TIAM2: variants seen among roughly 807,000 people sequenced by gnomAD.
TIAM2 encodes the protein rho guanine nucleotide exchange factor TIAM2.
TIAM2 carries 80 observed loss-of-function variants against 152.9 expected under a neutral mutation model. The observed-to-expected ratio is 0.52, with a 90% CI of 0.44 to 0.63. The LOEUF is 0.63. Ranked by LOEUF, TIAM2 falls within the 30% of genes least tolerant of loss-of-function variation. The probability of loss-of-function intolerance (pLI) is 0.00; values close to 1 mark genes in which losing one functional copy is unlikely to be tolerated. For missense variants in TIAM2, 1,965 were observed against 2,120.1 expected (o/e 0.93, Z 1.44); for synonymous variants, 804 against 838.0 (o/e 0.96, Z 0.70).
chr6:155,195,041 G>A (rs889918235), intron 14 of TIAM2, among the ~76,000 whole-genome samples: 5 of 152,234 alleles, frequency 3.3e-5, no homozygotes, highest in Non-Finnish European at 7.3e-5. Context: ...CTGCGGAACT[G>A]TGAGTCAATG....
Position 155,158,591 on chromosome 6 carries a change from T to C in TIAM2, c.2029-5824T>C, listed in dbSNP as rs190432879. Among the ~76,000 whole-genome samples, 3 of 152,082 alleles carry C rather than the reference T, an allele frequency of 2.0e-5. No individual in the cohort carries two copies. The East Asian group carries it at 5.8e-4, about 29-fold the overall frequency. On this transcript the variant is annotated intron_variant, in intron 7 of 26. Coordinates refer to ENST00000682666, the MANE Select transcript of TIAM2 (RefSeq NM_012454.4). Reference sequence around the variant, plus strand: ...TTTTTTTGACAGGGTCTCACTCTGTTGCCCAGGCTGGAGTGTGCAGTGGCC... The same window carrying C: ...TTTTTTTGACAGGGTCTCACTCTGTCGCCCAGGCTGGAGTGTGCAGTGGCC...
intron 1 of TIAM2, among the ~76,000 whole-genome samples, chr6:155,008,905 G>T (rs538816473): frequency 1.3e-5 from 2 of 152,092 alleles, no homozygotes; most frequent in African/African-American, 4.8e-5. Flanking sequence ...GTGTTTTGGG[G>T]CAGTTGCTTA....
chr6:155,149,464 G>C (rs1482987204), intron 7 of TIAM2, among the ~76,000 whole-genome samples: 1 of 151,990 alleles, frequency 6.6e-6, no homozygotes, highest in Admixed American at 6.5e-5. Context: ...AGTTTCTTTA[G>C]GAAAAAAAAT....
At chr6:155,023,554 T>A (rs978474643) in intron 1 of TIAM2, among the ~76,000 whole-genome samples, 4 of 152,106 alleles carry the variant, frequency 2.6e-5, no homozygotes, top group Non-Finnish European at 5.9e-5. Context: ...ACAGGTTGGG[T>A]AGCAGCCTGG....
intron 1 of TIAM2, among the ~76,000 whole-genome samples, chr6:155,083,530 C>A (rs1272833652): frequency 1.3e-5 from 2 of 152,090 alleles, no homozygotes; most frequent in African/African-American, 4.8e-5. Flanking sequence ...ACAGGACTAG[C>A]CTGCTGCCAT....
chr6:155,119,415 C>A (rs918248438), intron 2 of TIAM2, among the ~76,000 whole-genome samples: 1 of 152,080 alleles, frequency 6.6e-6, no homozygotes, highest in Admixed American at 6.5e-5. Context: ...TCTCCACTCA[C>A]TGTAACCTCT....
rs1562295191 is a variant in TIAM2 at position 155,029,480 on chromosome 6, A to ATAT, written c.-209+33989_-209+33991dup. On this transcript the variant is annotated intron_variant, in intron 1 of 26. Transcript: ENST00000682666. ...TTATATATAATATATACTATAGTAT[A>ATAT]TATACTATAGTATATATTATATATA... 6.2e-4 allele frequency among the ~76,000 whole-genome samples: 7 copies of ATAT among 11,336 alleles called. 2 individuals are homozygous for ATAT. The highest frequency in any genetic ancestry group is 1.2e-3 in the Non-Finnish European group (7 of 5,890). 7.4% of individuals were successfully genotyped at this position (11,336 alleles called of 152,430 possible). A position where few individuals can be genotyped will look rare whatever the true frequency, so the allele number is the denominator to read the frequency against.
At position 155,028,030 on chromosome 6, in the gene TIAM2, TATATA is replaced by T. The variant is rs1214027268; in HGVS notation, c.-209+32544_-209+32548del. ...AATATATGTACTGTGTTATATACTA[TATATA>T]ATATATGTACTGTGTTACATATATA... On this transcript the variant is annotated intron_variant, in intron 1 of 26. Coordinates refer to ENST00000682666, the MANE Select transcript of TIAM2 (RefSeq NM_012454.4). Among the ~76,000 whole-genome samples the T allele has an allele frequency of 5.2e-4, 53 of 102,158 alleles. 2 individuals carry two copies. Among genetic ancestry groups the T allele is most frequent in the South Asian group, 4.5e-3 (15 of 3,334 alleles). 67.0% of individuals were successfully genotyped at this position (102,158 alleles called of 152,430 possible). A position where few individuals can be genotyped will look rare whatever the true frequency, so the allele number is the denominator to read the frequency against.
At position 155,218,720 on chromosome 6, in the gene TIAM2, T is replaced by C. The variant is rs533249652; in HGVS notation, c.3168+7413T>C. Among the ~76,000 whole-genome samples, 2 of 152,350 alleles carry C rather than the reference T, an allele frequency of 1.3e-5. No homozygotes were observed. The highest frequency in any genetic ancestry group is 1.9e-4 in the East Asian group (1 of 5,186). ...AATGGCCTCTTGAGCTGAGATTCGA[T>C]GTCAGGTAGGAAACTGAACAAATAG... On this transcript the variant is annotated intron_variant, in intron 15 of 26. Transcript: ENST00000682666. This position sits in a 1 kb window ranked among gnomAD's most constrained non-coding sequence, Gnocchi z 4.5.
chr6:155,252,867 TA>T, intron 23 of TIAM2, 80 bp from the exon 24 acceptor site: 3 of 1,316,078 alleles, frequency 2.3e-6, no homozygotes, highest in East Asian at 2.3e-5. Flanking sequence ...AGGGAGAACA[TA>T]AACTTCTATT....
Position 155,218,096 on chromosome 6 carries a change from C to A in TIAM2, c.3168+6789C>A, listed in dbSNP as rs1781910496. Among the ~76,000 whole-genome samples, 1 of 152,234 alleles carries A rather than the reference C, an allele frequency of 6.6e-6. No individual in the cohort carries two copies. On this transcript the variant is annotated intron_variant, in intron 15 of 26. Coordinates refer to ENST00000682666, the MANE Select transcript of TIAM2 (RefSeq NM_012454.4). This position sits in a 1 kb window ranked among gnomAD's most constrained non-coding sequence, Gnocchi z 4.5. ...ATACTTGCCTGCATTATTGCAAGAT[C>A]TTTTTGGTTATGTTTTTGTTAGGCA...
At chr6:155,014,515 A>C (rs1238170359) in intron 1 of TIAM2, among the ~76,000 whole-genome samples, 4 of 152,208 alleles carry the variant, frequency 2.6e-5, no homozygotes, top group Non-Finnish European at 4.4e-5. Flanking sequence ...TATCTGATAC[A>C]TGAAACTCAA....
intron 1 of TIAM2, among the ~76,000 whole-genome samples, chr6:155,017,089 A>T (rs542414423): frequency 6.6e-6 from 1 of 152,278 alleles, no homozygotes; most frequent in South Asian, 2.1e-4. Context: ...GCTGTGGGAA[A>T]GTTCGAGACT....
Position 155,023,460 on chromosome 6 carries a change from G to T in TIAM2, c.-209+27968G>T, listed in dbSNP as rs188769928. Among the ~76,000 whole-genome samples the T allele has an allele frequency of 5.3e-5, 8 of 152,246 alleles. No individual in the cohort carries two copies. The East Asian group carries it at 1.5e-3, about 29-fold the overall frequency. ...GTCCTTTTCGGCTGCGTCTAAATTT[G>T]TATGTTCTGTGAATGAGAATGGGAT... On this transcript the variant is annotated intron_variant, in intron 1 of 26. Transcript: ENST00000682666.
chr6:155,159,581 C>T lies in TIAM2; in HGVS notation c.2029-4834C>T, dbSNP rs540506606. Among the ~76,000 whole-genome samples, 4 of 152,314 alleles carry T rather than the reference C, an allele frequency of 2.6e-5. No homozygotes were observed. The South Asian group carries it at 8.3e-4, about 32-fold the overall frequency. ...GGTAATACCAAGTCCCTTGCAATTT[C>T]ATTGTGAATGTTAACAGCCTTTCTA... On this transcript the variant is annotated intron_variant, in intron 7 of 26. Coordinates refer to ENST00000682666, the MANE Select transcript of TIAM2 (RefSeq NM_012454.4).
At chr6:155,059,658 G>A (rs1247435213) in intron 1 of TIAM2, among the ~76,000 whole-genome samples, 1 of 152,060 alleles carries the variant, frequency 6.6e-6, no homozygotes, top group Non-Finnish European at 1.5e-5. Flanking sequence ...TTAAGGTTAT[G>A]GATTTTGGAC....
rs970893608 is a variant in TIAM2 at position 155,112,948 on chromosome 6, G to A, written c.-117-14542G>A. Among the ~76,000 whole-genome samples the A allele has an allele frequency of 7.9e-5, 11 of 140,116 alleles. No individual in the cohort carries two copies. In the East Asian group the frequency reaches 1.2e-3, roughly 15 times the overall value. 91.9% of individuals were successfully genotyped at this position (140,116 alleles called of 152,430 possible). On this transcript the variant is annotated intron_variant, in intron 2 of 26. Coordinates refer to ENST00000682666, the MANE Select transcript of TIAM2 (RefSeq NM_012454.4). Reference sequence around the variant, plus strand: ...CATTGCCTCTCCCCTGCATCGTTCCGGTAGCCTAGCAGGTCCCCCTGCTGC... The same window carrying A: ...CATTGCCTCTCCCCTGCATCGTTCCAGTAGCCTAGCAGGTCCCCCTGCTGC...
intron 1 of TIAM2, among the ~76,000 whole-genome samples, chr6:155,089,407 G>C (rs143400242): frequency 6.6e-6 from 1 of 152,074 alleles, no homozygotes; most frequent in Non-Finnish European, 1.5e-5. Context: ...GGGTTTCACC[G>C]TACTGGCCAG....
intron 1 of TIAM2, among the ~76,000 whole-genome samples, chr6:154,997,783 C>T (rs1413868135): frequency 2.0e-5 from 3 of 151,434 alleles, no homozygotes; most frequent in Non-Finnish European, 2.9e-5. Flanking sequence ...GGACTACAGA[C>T]GCGTGCCACC....
Sources: gnomAD v4.1 joint callset for allele counts (sites outside exome capture counted in the v4.1 genomes callset) on GRCh38, gnomAD v4.1.1 for gene constraint, Gnocchi (gnomAD v3.1) non-coding constraint, MANE v1.5 for transcripts, NCBI Gene and HGNC (gene_info 2026-07-23, HGNC 2026-07-21) for gene names.